KCNC2: variants seen among roughly 807,000 people sequenced by gnomAD.
KCNC2 encodes the protein potassium voltage-gated channel subfamily C member 2.
A neutral mutation model predicts 44.5 loss-of-function variants in KCNC2; 21 were observed. The observed-to-expected ratio is 0.47, with a 90% confidence interval of 0.33 to 0.68. The LOEUF (loss-of-function observed/expected upper bound fraction) is 0.68. Among genes scored for constraint, KCNC2 ranks in the 30% least tolerant of loss-of-function variants. The pLI is 0.01. For missense variants in KCNC2, 589 were observed against 826.2 expected (o/e 0.71, Z 3.52); for synonymous variants, 391 against 339.1 (o/e 1.15, Z -1.68).
chr12:75,122,610 T>C (rs1888125176), intron 2 of KCNC2, among the ~76,000 whole-genome samples: 1 of 152,178 alleles, frequency 6.6e-6, no homozygotes, highest in South Asian at 2.1e-4. Flanking sequence ...TCAAAGCATA[T>C]GAAAATCTAT....
chr12:75,080,911 C>T (rs889382738), intron 2 of KCNC2, among the ~76,000 whole-genome samples: 5 of 151,960 alleles, frequency 3.3e-5, no homozygotes, highest in Non-Finnish European at 5.9e-5. Flanking sequence ...TAATGCAGTG[C>T]TCAACATGTA....
chr12:75,130,010 C>T (rs1242191274), intron 2 of KCNC2, among the ~76,000 whole-genome samples: 1 of 152,126 alleles, frequency 6.6e-6, no homozygotes, highest in African/African-American at 2.4e-5. Flanking sequence ...ATTCAATCTA[C>T]AAAATAGTTC....
intron 2 of KCNC2, among the ~76,000 whole-genome samples, chr12:75,072,825 C>T (rs1386466007): frequency 1.3e-5 from 2 of 152,018 alleles, no homozygotes; most frequent in South Asian, 2.1e-4. Context: ...AAAAGGCCTT[C>T]GATCTGACAT....
chr12:75,041,048 A>G lies in KCNC2; in HGVS notation c.*2057T>C. 7.1e-7 allele frequency: 1 copy of G among 1,415,730 alleles called. No homozygotes were observed. The highest frequency in any genetic ancestry group is 1.1e-5 in the South Asian group (1 of 87,026). 87.7% of individuals were successfully genotyped at this position (1,415,730 alleles called of 1,614,324 possible). A position where few individuals can be genotyped will look rare whatever the true frequency, so the allele number is the denominator to read the frequency against. Reference sequence around the variant, plus strand: ...AGCCGCAGTTCTTTTATAAGCTTTAAGTGCCTCATGAAGACGCGAGGATCT... The same window carrying G: ...AGCCGCAGTTCTTTTATAAGCTTTAGGTGCCTCATGAAGACGCGAGGATCT... On this transcript the variant is annotated 3_prime_UTR_variant, in exon 5 of 5. Coordinates refer to ENST00000549446, the MANE Select transcript of KCNC2 (RefSeq NM_139137.4).
intron 2 of KCNC2, among the ~76,000 whole-genome samples, chr12:75,141,557 C>T (rs929216567): frequency 6.6e-6 from 1 of 152,098 alleles, no homozygotes; most frequent in Non-Finnish European, 1.5e-5. Flanking sequence ...CTCTTCTTCA[C>T]CTTTATTCAG....
At chr12:75,066,812 C>T (rs765847022) in intron 2 of KCNC2, among the ~76,000 whole-genome samples, 33 of 152,108 alleles carry the variant, frequency 2.2e-4, no homozygotes, top group Non-Finnish European at 4.1e-4. Context: ...TGTATTCCAA[C>T]TGTGTTTGAT....
intron 2 of KCNC2, among the ~76,000 whole-genome samples, chr12:75,122,293 T>A (rs550705719): frequency 2.6e-5 from 4 of 152,348 alleles, no homozygotes; most frequent in South Asian, 4.1e-4. Context: ...ATATCACAAC[T>A]GTCTTATGAG....
At chr12:75,151,980 T>TTA (rs1359732855) in intron 2 of KCNC2, among the ~76,000 whole-genome samples, 1 of 146,020 alleles carries the variant, frequency 6.8e-6, no homozygotes, top group Non-Finnish European at 1.5e-5. Flanking sequence ...CATTTATATA[T>TTA]TATATATTAT....
rs1284753666 is a variant in KCNC2 at position 75,158,243 on chromosome 12, A to G, written c.687+49054T>C. On this transcript the variant is annotated intron_variant, in intron 2 of 4. Coordinates refer to ENST00000549446, the MANE Select transcript of KCNC2 (RefSeq NM_139137.4). ...AATAAAATCAGCATCATTACTTCAT[A>G]AGCCAAAAAATGTTGTTCTAATTTT... Among the ~76,000 whole-genome samples the G allele has an allele frequency of 2.7e-4, 41 of 151,932 alleles. 1 individual carries two copies. Among genetic ancestry groups the G allele is most frequent in the Non-Finnish European group, 5.9e-5 (4 of 67,906 alleles).
chr12:75,208,080 GA>G, intron 1 of KCNC2, 78 bp from the exon 2 acceptor site: 1 of 1,550,544 alleles, frequency 6.4e-7, no homozygotes, highest in Middle Eastern at 1.7e-4. Flanking sequence ...CACCAACCCA[GA>G]GCGAGTCCAG....
chr12:75,116,374 A>C (rs1347752211), intron 2 of KCNC2, among the ~76,000 whole-genome samples: 2 of 152,150 alleles, frequency 1.3e-5, no homozygotes, highest in African/African-American at 4.8e-5. Flanking sequence ...TATTAAAATA[A>C]TAATAATAAA....
chr12:75,128,879 G>A (rs1888631736), intron 2 of KCNC2, among the ~76,000 whole-genome samples: 1 of 152,130 alleles, frequency 6.6e-6, no homozygotes, highest in Non-Finnish European at 1.5e-5. Context: ...ATGCTAATCA[G>A]ATGCAATGGC....
intron 2 of KCNC2, among the ~76,000 whole-genome samples, chr12:75,097,718 C>A (rs1489551336): frequency 2.6e-5 from 4 of 152,022 alleles, no homozygotes; most frequent in Admixed American, 2.0e-4. Flanking sequence ...TTTTTAAGAG[C>A]AAGGACTTTG....
At chr12:75,125,133 C>A (rs926210877) in intron 2 of KCNC2, among the ~76,000 whole-genome samples, 2 of 151,970 alleles carry the variant, frequency 1.3e-5, no homozygotes, top group African/African-American at 4.8e-5. Flanking sequence ...AGTTTCTGGG[C>A]AAAAATGGTA....
chr12:75,083,256 G>C (rs1346339164), intron 2 of KCNC2, among the ~76,000 whole-genome samples: 1 of 151,662 alleles, frequency 6.6e-6, no homozygotes, highest in Non-Finnish European at 1.5e-5. Context: ...ATAACAGGAA[G>C]AAAATATTAA....
At chr12:75,085,349 A>G (rs891267295) in intron 2 of KCNC2, among the ~76,000 whole-genome samples, 1 of 152,090 alleles carries the variant, frequency 6.6e-6, no homozygotes. Flanking sequence ...TTGAAAAGGA[A>G]GAAGAGAATG....
intron 2 of KCNC2, among the ~76,000 whole-genome samples, chr12:75,162,636 C>A (rs1020791256): frequency 1.3e-5 from 2 of 151,654 alleles, no homozygotes; most frequent in Non-Finnish European, 3.0e-5. Flanking sequence ...GATAACCAAG[C>A]CTGCTAAAGC....
intron 1 of KCNC2, among the ~76,000 whole-genome samples, chr12:75,208,457 G>A (rs936087732): frequency 6.7e-6 from 1 of 148,506 alleles, no homozygotes; most frequent in Admixed American, 6.8e-5. Flanking sequence ...CCCCTGGTTG[G>A]CCTCTCATTC....
At chr12:75,185,387 G>C (rs1381402633) in intron 2 of KCNC2, among the ~76,000 whole-genome samples, 1 of 152,144 alleles carries the variant, frequency 6.6e-6, no homozygotes, top group Non-Finnish European at 1.5e-5. Context: ...GTATTGGGAG[G>C]TGGAGCCTCA....
Sources: gnomAD v4.1 joint callset for allele counts (sites outside exome capture counted in the v4.1 genomes callset) on GRCh38, gnomAD v4.1.1 for gene constraint, MANE v1.5 for transcripts, NCBI Gene and HGNC (gene_info 2026-07-23, HGNC 2026-07-21) for gene names.